ROR1: variants seen among roughly 807,000 people sequenced by gnomAD.
The protein encoded by ROR1 is inactive tyrosine-protein kinase transmembrane receptor ROR1.
ROR1 carries 19 observed loss-of-function variants against 78.8 expected under a neutral mutation model. The ratio of observed to expected loss-of-function variants is 0.24; its 90% confidence interval spans 0.17 to 0.35. The LOEUF (loss-of-function observed/expected upper bound fraction) is 0.35, where lower values mean the gene tolerates loss of function less well. Ranked by LOEUF, ROR1 falls within the 10% of genes least tolerant of loss-of-function variation. The probability of loss-of-function intolerance (pLI) is 1.00; values close to 1 mark genes in which losing one functional copy is unlikely to be tolerated. For missense variants in ROR1, 917 were observed against 1,177.8 expected (o/e 0.78, Z 3.24); for synonymous variants, 386 against 433.6 (o/e 0.89, Z 1.36).
At chr1:64,136,021 C>A (rs938902864) in intron 4 of ROR1, among the ~76,000 whole-genome samples, 6 of 152,194 alleles carry the variant, frequency 3.9e-5, no homozygotes, top group African/African-American at 1.4e-4. Context: ...ACAGCACTAA[C>A]CGCAGTGCCT....
chr1:63,988,874 C>A (rs1294885077), intron 1 of ROR1, among the ~76,000 whole-genome samples: 1 of 152,152 alleles, frequency 6.6e-6, no homozygotes, highest in Admixed American at 6.6e-5. Flanking sequence ...TTTTGTTTAT[C>A]CATTCATCTG....
intron 1 of ROR1, among the ~76,000 whole-genome samples, chr1:64,000,568 G>T (rs1646374582): frequency 6.6e-6 from 1 of 152,130 alleles, no homozygotes; most frequent in Non-Finnish European, 1.5e-5. Context: ...TGCCTCCTTA[G>T]TAACTAGTTG....
At chr1:63,869,560 C>T (rs1040621425) in intron 1 of ROR1, among the ~76,000 whole-genome samples, 3 of 152,230 alleles carry the variant, frequency 2.0e-5, no homozygotes, top group Admixed American at 6.5e-5. Context: ...ACTCTCTCCT[C>T]TTTGCACTTT....
intron 7 of ROR1, among the ~76,000 whole-genome samples, chr1:64,145,455 C>T (rs1407727143): frequency 6.6e-6 from 1 of 152,144 alleles, no homozygotes; most frequent in Non-Finnish European, 1.5e-5. Context: ...AATGGTTTTA[C>T]GGAAAGTTGA....
chr1:63,956,720 A>G (rs1645985459), intron 1 of ROR1, among the ~76,000 whole-genome samples: 1 of 152,226 alleles, frequency 6.6e-6, no homozygotes, highest in South Asian at 2.1e-4. Context: ...AAGTTTTTAA[A>G]TATTTTGAAA....
intron 4 of ROR1, among the ~76,000 whole-genome samples, chr1:64,100,757 C>A (rs941853380): frequency 1.3e-5 from 2 of 152,186 alleles, no homozygotes; most frequent in African/African-American, 4.8e-5. Context: ...CAAGCATTAG[C>A]AATCTACCCA....
At chr1:63,867,162 G>T (rs1438042459) in intron 1 of ROR1, among the ~76,000 whole-genome samples, 1 of 152,176 alleles carries the variant, frequency 6.6e-6, no homozygotes, top group Non-Finnish European at 1.5e-5. Flanking sequence ...GGAGAACAGG[G>T]ACAAAGCCTT....
intron 4 of ROR1, among the ~76,000 whole-genome samples, chr1:64,064,977 T>A (rs926073501): frequency 2.0e-5 from 3 of 152,172 alleles, no homozygotes; most frequent in African/African-American, 4.8e-5. Context: ...AATTGATAAA[T>A]CATCATACCC....
At chr1:64,155,831 C>G (rs2100726477) in intron 7 of ROR1, among the ~76,000 whole-genome samples, 1 of 152,228 alleles carries the variant, frequency 6.6e-6, no homozygotes, top group Non-Finnish European at 1.5e-5. Context: ...CTTTACCCCC[C>G]TAGGGTACTG....
intron 4 of ROR1, among the ~76,000 whole-genome samples, chr1:64,109,998 A>G (rs755784851): frequency 3.9e-5 from 6 of 152,120 alleles, no homozygotes; most frequent in Non-Finnish European, 7.4e-5. Context: ...AGCCTTTGCT[A>G]TATCCCTCCA....
chr1:64,092,933 C>A (rs1402396663), intron 4 of ROR1, among the ~76,000 whole-genome samples: 1 of 152,186 alleles, frequency 6.6e-6, no homozygotes, highest in Non-Finnish European at 1.5e-5. Context: ...TTAGACTCAT[C>A]CATCATCGGT....
At chr1:63,829,730 A>G (rs1413232358) in intron 1 of ROR1, among the ~76,000 whole-genome samples, 1 of 152,178 alleles carries the variant, frequency 6.6e-6, no homozygotes, top group Non-Finnish European at 1.5e-5. Context: ...CAGATCAAGG[A>G]GCGCTTTGCA....
At chr1:63,858,317 C>G (rs1234785600) in intron 1 of ROR1, among the ~76,000 whole-genome samples, 2 of 152,102 alleles carry the variant, frequency 1.3e-5, no homozygotes, top group Non-Finnish European at 2.9e-5. Flanking sequence ...TCCATCCTTC[C>G]CTATCCTTTC....
intron 1 of ROR1, among the ~76,000 whole-genome samples, chr1:63,923,157 G>A (rs1361151213): frequency 3.3e-5 from 5 of 152,146 alleles, no homozygotes; most frequent in East Asian, 3.9e-4. Context: ...GCTTCCCAGC[G>A]TGGCACTTCA....
chr1:63,955,343 GT>G (rs1293297987), intron 1 of ROR1, among the ~76,000 whole-genome samples: 2 of 152,058 alleles, frequency 1.3e-5, no homozygotes, highest in Admixed American at 6.5e-5. Context: ...TTCTTTGGCA[GT>G]TTTTTTCCCC....
At chr1:64,084,949 C>G (rs1008650331) in intron 4 of ROR1, among the ~76,000 whole-genome samples, 1 of 152,162 alleles carries the variant, frequency 6.6e-6, no homozygotes, top group African/African-American at 2.4e-5. Context: ...ATAATACTTT[C>G]TGATTCCATC....
chr1:63,844,230 G>T (rs895692914), intron 1 of ROR1, among the ~76,000 whole-genome samples: 2 of 152,178 alleles, frequency 1.3e-5, no homozygotes, highest in Non-Finnish European at 2.9e-5. Context: ...TCTCTGCCTC[G>T]CACTTTAAGA....
At chr1:64,090,900 AC>A (rs1647191011) in intron 4 of ROR1, among the ~76,000 whole-genome samples, 1 of 152,138 alleles carries the variant, frequency 6.6e-6, no homozygotes. Context: ...TCCACTTCCC[AC>A]ACTCAGCATG....
chr1:64,012,580 A>G (rs1254355951), intron 2 of ROR1, among the ~76,000 whole-genome samples: 2 of 152,226 alleles, frequency 1.3e-5, no homozygotes, highest in African/African-American at 2.4e-5. Context: ...ACCACAAAAC[A>G]ACAATGGCAA....
Sources: allele counts gnomAD v4.1 joint callset (sites outside exome capture counted in the v4.1 genomes callset), GRCh38; gene constraint gnomAD v4.1.1; transcripts MANE v1.5; gene names NCBI Gene and HGNC (gene_info 2026-07-23, HGNC 2026-07-21).